COPS5: variants seen among roughly 807,000 people sequenced by gnomAD.
The protein encoded by COPS5 is COP9 signalosome complex subunit 5.
In COPS5, 8 loss-of-function variants were observed where a neutral mutation model predicts 44.4. The ratio of observed to expected loss-of-function variants is 0.18; its 90% CI spans 0.11 to 0.32. The LOEUF (loss-of-function observed/expected upper bound fraction) is 0.32, where lower values mean the gene tolerates loss of function less well. Among genes scored for constraint, COPS5 ranks in the 10% least tolerant of loss-of-function variants. COPS5 has a pLI of 1.00. For synonymous variants in COPS5, 122 were observed against 142.8 expected, an observed-to-expected ratio of 0.85 and a Z score of 1.04; for missense variants, 159 against 406.4, an observed-to-expected ratio of 0.39 and a Z score of 5.23.
chr8:67,057,742 A>T (rs1325782310), intron 3 of COPS5, among the ~76,000 whole-genome samples: 1 of 152,210 alleles, frequency 6.6e-6, no homozygotes, highest in Non-Finnish European at 1.5e-5. Context: ...CCTTCCTCAT[A>T]AAACCTGGAT....
At chr8:67,051,388 ACTACGTCAC>A in intron 5 of COPS5, 47 bp from the exon 6 acceptor site, 3 of 1,014,434 alleles carry the variant, frequency 3.0e-6, no homozygotes, top group Non-Finnish European at 4.5e-6. Context: ...AAAAAATTCA[ACTACGTCAC>A]ATAAAACTTA....
At chr8:67,052,621 T>C (rs1303522889) in intron 5 of COPS5, among the ~76,000 whole-genome samples, 1 of 151,602 alleles carries the variant, frequency 6.6e-6, no homozygotes, top group Non-Finnish European at 1.5e-5. Flanking sequence ...TTTCACAATG[T>C]TGGTCAGGCT....
chr8:67,061,567 G>A (rs1478792923), intron 1 of COPS5: 2 of 462,114 alleles, frequency 4.3e-6, no homozygotes, highest in East Asian at 4.9e-5. Flanking sequence ...TGGGCTCAAG[G>A]TAGGGTGTGT....
intron 6 of COPS5, among the ~76,000 whole-genome samples, chr8:67,047,203 C>G (rs1346137156): frequency 6.6e-6 from 1 of 152,172 alleles, no homozygotes; most frequent in Non-Finnish European, 1.5e-5. Context: ...GCTCAGTTTG[C>G]AAGGAAAGAC....
chr8:67,056,636 G>GAAAA (rs375914469), intron 4 of COPS5, 32 bp from the exon 5 acceptor site: 1 of 14,098 alleles, frequency 7.1e-5, no homozygotes, highest in Non-Finnish European at 1.0e-4. Flanking sequence ...AGAAGATTAA[G>GAAAA]AAAAAAAAAA....
At chr8:67,049,752 GA>G (rs1303483429) in intron 6 of COPS5, among the ~76,000 whole-genome samples, 6 of 152,088 alleles carry the variant, frequency 3.9e-5, no homozygotes, top group African/African-American at 1.4e-4. Flanking sequence ...AAGAGCATAA[GA>G]AACTTCTAAG....
At chr8:67,061,788 T>C in intron 1 of COPS5, 66 bp downstream of exon 1, 2 of 1,532,460 alleles carry the variant, frequency 1.3e-6, no homozygotes, top group Non-Finnish European at 1.8e-6. Flanking sequence ...CACCTCCCTC[T>C]CCCTCTGGGT....
chr8:67,055,497 GA>G (rs1804489274), intron 5 of COPS5, among the ~76,000 whole-genome samples: 1 of 152,106 alleles, frequency 6.6e-6, no homozygotes, highest in Non-Finnish European at 1.5e-5. Context: ...AGAAGGTAGA[GA>G]AAACTGTCCC....
At chr8:67,047,474 A>G (rs1816715799) in intron 6 of COPS5, among the ~76,000 whole-genome samples, 1 of 152,238 alleles carries the variant, frequency 6.6e-6, no homozygotes, top group African/African-American at 2.4e-5. Flanking sequence ...TACTATTAAA[A>G]TGACAATAAA....
At chr8:67,053,673 C>T (rs1485985364) in intron 5 of COPS5, among the ~76,000 whole-genome samples, 1 of 149,018 alleles carries the variant, frequency 6.7e-6, no homozygotes, top group Non-Finnish European at 1.5e-5. Flanking sequence ...TGTACTCCAG[C>T]CTGGGTGACA....
chr8:67,051,545 T>C (rs539928484), intron 5 of COPS5, among the ~76,000 whole-genome samples: 147 of 152,354 alleles, frequency 9.6e-4, no homozygotes, highest in African/African-American at 3.2e-3. Context: ...CTTCTTGTTT[T>C]ATTCCTTTTT....
chr8:67,059,123 A>G (rs1804551751), intron 2 of COPS5, 88 bp downstream of exon 2: 1 of 775,630 alleles, frequency 1.3e-6, no homozygotes, highest in Admixed American at 2.6e-5. Flanking sequence ...AATTTCATGT[A>G]AAGGGGATAA....
chr8:67,054,970 G>C (rs1406367663), intron 5 of COPS5, among the ~76,000 whole-genome samples: 2 of 152,126 alleles, frequency 1.3e-5, no homozygotes, highest in African/African-American at 4.8e-5. Context: ...ACTTTACATA[G>C]GTAAAATACT....
In COPS5 at chr8:67,056,649, AAAAATATATATATATATATATATAT is replaced by A. The variant is rs1469252293; in HGVS notation, c.574-70_574-46del. The A allele has an allele frequency of 4.5e-4, 35 of 76,986 alleles. 2 individuals carry two copies. Among genetic ancestry groups the A allele is most frequent in the South Asian group, 9.6e-4 (2 of 2,088 alleles). 4.8% of individuals were successfully genotyped at this position (76,986 alleles called of 1,614,324 possible). A position where few individuals can be genotyped will look rare whatever the true frequency, so the allele number is the denominator to read the frequency against. On this transcript the variant is annotated intron_variant, in intron 4 of 7. Transcript: ENST00000357849. Reference sequence around the variant, plus strand: ...ACAGAAGATTAAGAAAAAAAAAAAAAAAAATATATATATATATATATATATATATATATATATATATATATATATA... The same window carrying A: ...ACAGAAGATTAAGAAAAAAAAAAAAAATATATATATATATATATATATATA...
chr8:67,047,810 C>T (rs1816718974), intron 6 of COPS5: 1 of 702,550 alleles, frequency 1.4e-6, no homozygotes, highest in South Asian at 1.5e-5. Context: ...ACAGTGTTTT[C>T]TCCCCTTGCC....
In COPS5 at chr8:67,054,175, C is replaced by T. The variant is rs370301752; in HGVS notation, c.659+2344G>A. ...GTTATTTAAGGATTGGTACGCAACA[C>T]GATCTTAAAAAAAAAAGTTATTTAA... is the stretch of plus-strand genomic sequence containing the variant. On this transcript the variant is annotated intron_variant, in intron 5 of 7. Coordinates refer to ENST00000357849, the MANE Select transcript of COPS5 (RefSeq NM_006837.3). Among the ~76,000 whole-genome samples, 313 of 151,336 alleles carry T rather than the reference C, an allele frequency of 2.1e-3. 2 individuals carry two copies. Among genetic ancestry groups the T allele is most frequent in the African/African-American group, 7.2e-3 (296 of 41,134 alleles).
intron 7 of COPS5, 129 bp from the exon 8 acceptor site, chr8:67,043,446 A>C: frequency 1.9e-6 from 1 of 528,616 alleles, no homozygotes. Flanking sequence ...AACCACCCCA[A>C]TCTGAAGTTT....
intron 6 of COPS5, among the ~76,000 whole-genome samples, chr8:67,046,807 G>C (rs1229279211): frequency 1.2e-5 from 1 of 82,380 alleles, no homozygotes; most frequent in Non-Finnish European, 2.2e-5. Context: ...TGGGCAACAA[G>C]AGCAAAACTC....
At chr8:67,050,354 C>G (rs997772034) in intron 6 of COPS5, among the ~76,000 whole-genome samples, 3 of 152,132 alleles carry the variant, frequency 2.0e-5, no homozygotes, top group African/African-American at 7.2e-5. Context: ...TTCTGATTCA[C>G]TCTGGGAACC....
Sources: allele counts gnomAD v4.1 joint callset (sites outside exome capture counted in the v4.1 genomes callset), GRCh38; gene constraint gnomAD v4.1.1; transcripts MANE v1.5; gene names NCBI Gene and HGNC (gene_info 2026-07-23, HGNC 2026-07-21).